Variants in EFCAB6 observed in about 807,000 individuals in gnomAD.
EFCAB6 encodes EF-hand calcium binding domain 6.
Under a neutral mutation model 169.8 loss-of-function variants are expected in EFCAB6, and 156 were observed. The ratio of observed to expected loss-of-function variants is 0.92; its 90% confidence interval spans 0.81 to 1.05. The LOEUF is 1.05. Among genes scored for constraint, EFCAB6 ranks in the 50% least tolerant of loss-of-function variants. The pLI is 0.00. For missense variants in EFCAB6, 1,800 were observed against 1,829.1 expected (o/e 0.98, Z 0.29); for synonymous variants, 698 against 676.4 (o/e 1.03, Z -0.50).
At chr22:43,600,342 T>C in intron 22 of EFCAB6, 79 bp from the exon 23 acceptor site, 1 of 1,428,634 alleles carries the variant, frequency 7.0e-7, no homozygotes, top group Non-Finnish European at 9.7e-7. Flanking sequence ...GGAAAATGCC[T>C]GCACCATCCA....
At chr22:43,750,416 G>A (rs2060717220) in intron 6 of EFCAB6, among the ~76,000 whole-genome samples, 1 of 152,156 alleles carries the variant, frequency 6.6e-6, no homozygotes, top group Non-Finnish European at 1.5e-5. Flanking sequence ...AGGCTTTTCT[G>A]CGGGGAGGAA....
rs1210612419 is a variant in EFCAB6, at chr22:43,678,156, T to C, written c.1259A>G (p.Asp420Gly). 2 of 1,605,742 alleles carry C rather than the reference T, an allele frequency of 1.2e-6. No individual in the cohort carries two copies. The highest frequency in any genetic ancestry group is 2.2e-5 in the East Asian group (1 of 44,572). ...AAATTCTTCTCTTGTTATCGGTCCA[T>C]CGGGTTTCTGAGCATCAGAGTGTAT... ...KALLIINTKP[D>G]GPITREEFRY... The change falls in exon 13 of 32, where the codon GAT becomes GGT. Residue 420 changes from aspartate to glycine, a missense_variant. Coordinates refer to ENST00000262726, the MANE Select transcript of EFCAB6 (RefSeq NM_022785.4).
At chr22:43,803,354 C>T (rs2062800668) in intron 2 of EFCAB6, among the ~76,000 whole-genome samples, 1 of 152,122 alleles carries the variant, frequency 6.6e-6, no homozygotes. Flanking sequence ...CTAAACTTTC[C>T]CTGTTCAGAG....
In EFCAB6 at chr22:43,623,863, T is replaced by C. The variant is rs1325312618; in HGVS notation, c.2465+2584A>G. Among the ~76,000 whole-genome samples, 6 of 142,396 alleles carry C rather than the reference T, an allele frequency of 4.2e-5. No homozygotes were observed. In the Middle Eastern group the frequency reaches 0.015, roughly 357 times the overall value. 93.4% of individuals were successfully genotyped at this position (142,396 alleles called of 152,430 possible). A position where few individuals can be genotyped will look rare whatever the true frequency, so the allele number is the denominator to read the frequency against. On this transcript the variant is annotated intron_variant, in intron 20 of 31. Transcript: ENST00000262726. ...GATGGAGCTTGCAGTGAGCCGAGAT[T>C]CCGCCACTGTACTCCAGTCTGGGTG...
chr22:43,553,118 G>C (rs2048477587), intron 27 of EFCAB6: 1 of 152,174 alleles, frequency 6.6e-6, no homozygotes, highest in South Asian at 2.1e-4. Flanking sequence ...AGTAGAGCCA[G>C]GGGTGACTGC....
intron 28 of EFCAB6, among the ~76,000 whole-genome samples, 183 bp downstream of exon 28, chr22:43,539,944 C>G (rs571183849): frequency 1.3e-5 from 2 of 152,186 alleles, no homozygotes; most frequent in Admixed American, 6.5e-5. Context: ...CGTCTGCCCC[C>G]CTCCCAGGGA....
At chr22:43,557,958 T>C (rs2147097029) in intron 26 of EFCAB6, among the ~76,000 whole-genome samples, 2 of 152,226 alleles carry the variant, frequency 1.3e-5, no homozygotes, top group East Asian at 3.9e-4. Context: ...TGGTATAAAA[T>C]AGAAATAGAA....
At chr22:43,713,648 T>C (rs2059234681) in intron 9 of EFCAB6, among the ~76,000 whole-genome samples, 1 of 152,202 alleles carries the variant, frequency 6.6e-6, no homozygotes, top group Admixed American at 6.5e-5. Context: ...CGGAGAAACC[T>C]TGGCATCTGT....
intron 3 of EFCAB6, among the ~76,000 whole-genome samples, chr22:43,779,045 G>A (rs1200987377): frequency 6.6e-6 from 1 of 152,092 alleles, no homozygotes; most frequent in African/African-American, 2.4e-5. Context: ...CAAGATGAAA[G>A]GGAAAAGCTG....
chr22:43,547,626 G>A (rs2048134898), intron 27 of EFCAB6, among the ~76,000 whole-genome samples: 2 of 151,984 alleles, frequency 1.3e-5, no homozygotes, highest in African/African-American at 4.8e-5. Context: ...TAAGCTGAGG[G>A]TGGTAGCATG....
In EFCAB6 at chr22:43,699,666, G is replaced by A. The variant is rs536351136; in HGVS notation, c.1031+11809C>T. On this transcript the variant is annotated intron_variant, in intron 10 of 31. Transcript: ENST00000262726. ...GTTTCTCCTCGGGAGTCACACCCTC[G>A]CCTAACCCATAGCCCTGTTAACCAC... is the stretch of plus-strand genomic sequence containing the variant. Among the ~76,000 whole-genome samples the A allele has an allele frequency of 7.2e-5, 11 of 151,940 alleles. No homozygotes were observed. The South Asian group carries it at 1.3e-3, about 17-fold the overall frequency.
intron 15 of EFCAB6, among the ~76,000 whole-genome samples, chr22:43,669,404 G>T (rs1474765538): frequency 1.3e-5 from 2 of 152,186 alleles, no homozygotes; most frequent in Non-Finnish European, 2.9e-5. Flanking sequence ...AGAACTGTTG[G>T]TATATATAAA....
At chr22:43,811,942 G>A (rs1174358061) in intron 1 of EFCAB6, among the ~76,000 whole-genome samples, 1 of 152,160 alleles carries the variant, frequency 6.6e-6, no homozygotes, top group African/African-American at 2.4e-5. Flanking sequence ...GGTAAGCTAC[G>A]GGAACAGGGG....
At chr22:43,565,320 G>C (rs553556759) in intron 26 of EFCAB6, among the ~76,000 whole-genome samples, 2 of 152,330 alleles carry the variant, frequency 1.3e-5, no homozygotes, top group East Asian at 1.9e-4. Flanking sequence ...TGTGAAAACT[G>C]AATGAATGGA....
intron 8 of EFCAB6, among the ~76,000 whole-genome samples, chr22:43,722,892 A>T (rs5764242): frequency 0.76 from 115,792 of 152,110 alleles, 44,225 homozygotes; most frequent in East Asian, 0.86. Flanking sequence ...AATAAAATCA[A>T]GTCATTTGCA....
rs1212484677 is a variant in EFCAB6, at chr22:43,550,952, T to G, written c.3648+3917A>C. Among the ~76,000 whole-genome samples, 14 of 152,318 alleles carry G rather than the reference T, an allele frequency of 9.2e-5. No homozygotes were observed. In the East Asian group the frequency reaches 2.3e-3, roughly 25 times the overall value. ...GAAAGGTTAATTGCACCAAAGGGTT[T>G]CAAAAGATGTGTCACTTCCCTCACT... On this transcript the variant is annotated intron_variant, in intron 27 of 31. Coordinates refer to ENST00000262726, the MANE Select transcript of EFCAB6 (RefSeq NM_022785.4).
chr22:43,771,258 C>T (rs1280576610), intron 4 of EFCAB6, among the ~76,000 whole-genome samples: 2 of 151,996 alleles, frequency 1.3e-5, no homozygotes, highest in Admixed American at 1.3e-4. Context: ...TGCAGAAACC[C>T]CGTCTCTACT....
In EFCAB6 at chr22:43,537,601, T is replaced by A; in HGVS notation, c.3880-56A>T. On this transcript the variant is annotated intron_variant, in intron 28 of 31. Coordinates refer to ENST00000262726, the MANE Select transcript of EFCAB6 (RefSeq NM_022785.4). The surrounding 1 kb of genome is among the most constrained non-coding windows in gnomAD (Gnocchi z 4.3). Reference sequence around the variant, plus strand: ...CACTTAAGATTTAAAACGGAAGTCATCAAAAATACCTCAATACCTCCAGTT... The same window carrying A: ...CACTTAAGATTTAAAACGGAAGTCAACAAAAATACCTCAATACCTCCAGTT... 6.4e-7 allele frequency: 1 copy of A among 1,551,552 alleles called. No homozygotes were observed. Among genetic ancestry groups the A allele is most frequent in the Non-Finnish European group, 8.7e-7 (1 of 1,146,218 alleles).
intron 10 of EFCAB6, among the ~76,000 whole-genome samples, chr22:43,705,185 T>C (rs192114722): frequency 3.2e-4 from 49 of 152,258 alleles, no homozygotes; most frequent in Non-Finnish European, 5.3e-4. Context: ...TTAACAATTA[T>C]AAATTTATAT....
Sources: allele counts gnomAD v4.1 joint callset (sites outside exome capture counted in the v4.1 genomes callset), GRCh38; gene constraint gnomAD v4.1.1; non-coding constraint Gnocchi (gnomAD v3.1); transcripts MANE v1.5; gene names NCBI Gene and HGNC (gene_info 2026-07-23, HGNC 2026-07-21).